The following ARHGAP36 variants were observed in gnomAD, a reference collection of about 807,000 sequenced individuals.
The protein encoded by ARHGAP36 is Rho GTPase activating protein 36.
Under a neutral mutation model 32.9 loss-of-function variants are expected in ARHGAP36, and 7 were observed. The observed-to-expected ratio is 0.21, with a 90% CI of 0.12 to 0.40. The LOEUF is 0.40. Ranked by LOEUF, ARHGAP36 falls within the 10% of genes least tolerant of loss-of-function variation. The probability of loss-of-function intolerance (pLI) is 1.00; values close to 1 mark genes in which losing one functional copy is unlikely to be tolerated. For synonymous variants in ARHGAP36, 165 were observed against 168.3 expected, an observed-to-expected ratio of 0.98 and a Z score of 0.15; for missense variants, 383 against 442.2, an observed-to-expected ratio of 0.87 and a Z score of 1.20.
intron 2 of ARHGAP36, 32 bp downstream of exon 2, chrX:131,081,950 C>G: frequency 1.7e-6 from 2 of 1,202,513 alleles, no homozygotes; most frequent in Non-Finnish European, 2.2e-6. Context: ...GGCATCCTCG[C>G]CTTCGGGAGA....
At position 131,081,412 on chromosome X, in the gene ARHGAP36, TTTC is replaced by T. The variant is rs2079797514; in HGVS notation, c.-142-106_-142-104del. Reference sequence around the variant, plus strand: ...TAAAAAATGTTTTTCTCTTTTATTTTTTCTTCTTATTTTCTCTCTTTGTACTTT... The same window carrying T: ...TAAAAAATGTTTTTCTCTTTTATTTTTTCTTATTTTCTCTCTTTGTACTTT... On this transcript the variant is annotated intron_variant, in intron 1 of 11. Coordinates refer to ENST00000276211, the MANE Select transcript of ARHGAP36 (RefSeq NM_144967.4). 6.7e-6 allele frequency: 4 copies of T among 594,767 alleles called. No individual in the cohort carries two copies. In the South Asian group the frequency reaches 3.1e-4, roughly 46 times the overall value. The allele number at this position is 594,767 out of a possible 1,213,427, so 49.0% of individuals were successfully genotyped here.
In ARHGAP36 at chrX:131,084,900, TCTC is replaced by T; in HGVS notation, c.805-11_805-9del. On this transcript the variant is annotated splice_polypyrimidine_tract_variant and intron_variant, in intron 6 of 11. Coordinates refer to ENST00000276211, the MANE Select transcript of ARHGAP36 (RefSeq NM_144967.4). ...TGGGCCAGGCAGACAGTCCCTGTCT[TCTC>T]CTTTTCCTAGCTCCGTGAAGAATTT... The T allele has an allele frequency of 8.3e-7, 1 of 1,210,442 alleles. No homozygotes were observed. The highest frequency in any genetic ancestry group is 1.1e-6 in the Non-Finnish European group (1 of 894,872).
chrX:131,081,473 T>C, intron 1 of ARHGAP36, 51 bp from the exon 2 acceptor site: 1 of 940,461 alleles, frequency 1.1e-6, no homozygotes, highest in Non-Finnish European at 1.3e-6. Flanking sequence ...TTTCCTGGAC[T>C]ATCTGTTAAG....
Position 131,084,618 on chromosome X carries a change from T to C in ARHGAP36, c.749-8T>C. The stretch of plus-strand genomic sequence containing the variant: ...AGATGCTTAGCATCCCCTGGTCTTT[T>C]CTTTCAGGCTTAAGCGCAGTGGGGA... On this transcript the variant is annotated splice_polypyrimidine_tract_variant and splice_region_variant and intron_variant, in intron 5 of 11. Transcript: ENST00000276211. The C allele has an allele frequency of 3.3e-6, 4 of 1,211,290 alleles. No homozygotes were observed. Among genetic ancestry groups the C allele is most frequent in the African/African-American group, 1.7e-5 (1 of 57,801 alleles).
chrX:131,062,972 T>C (rs1038616452), intron 1 of ARHGAP36, among the ~76,000 whole-genome samples: 1 of 112,058 alleles, frequency 8.9e-6, no homozygotes, highest in Non-Finnish European at 1.9e-5. Flanking sequence ...GGCAGACATT[T>C]ACTAGGTGGT....
At chrX:131,086,165 A>G in intron 9 of ARHGAP36, 76 bp downstream of exon 9, 1 of 1,151,163 alleles carries the variant, frequency 8.7e-7, no homozygotes, top group Non-Finnish European at 1.2e-6. Flanking sequence ...TTGTACCTGC[A>G]TCTTTGAGGG....
intron 1 of ARHGAP36, among the ~76,000 whole-genome samples, chrX:131,071,285 C>T (rs1351524305): frequency 9.0e-6 from 1 of 111,085 alleles, no homozygotes; most frequent in Non-Finnish European, 1.9e-5. Context: ...CCTCTACTTA[C>T]CTGGTGCTCT....
At chrX:131,075,617 A>G (rs866793355) in intron 1 of ARHGAP36, among the ~76,000 whole-genome samples, 8 of 36,177 alleles carry the variant, frequency 2.2e-4, no homozygotes, top group East Asian at 1.1e-3. Flanking sequence ...ATATGTGTGT[A>G]TATATATGTG....
chrX:131,060,687 C>T (rs1259849873), intron 1 of ARHGAP36, among the ~76,000 whole-genome samples: 2 of 112,302 alleles, frequency 1.8e-5, no homozygotes, highest in Non-Finnish European at 3.8e-5. Context: ...GGTACCTGTT[C>T]CCCAACATAC....
In ARHGAP36 at chrX:131,088,976, C is replaced by T; in HGVS notation, c.*191C>T. The T allele has an allele frequency of 1.8e-6, 1 of 567,799 alleles. No individual in the cohort carries two copies. Among genetic ancestry groups the T allele is most frequent in the African/African-American group, 2.3e-5 (1 of 43,276 alleles). 46.8% of individuals were successfully genotyped at this position (567,799 alleles called of 1,213,427 possible). On this transcript the variant is annotated 3_prime_UTR_variant, in exon 12 of 12. Transcript: ENST00000276211. ...CTTCACTGGGGATGCTTGGTCTCTT[C>T]TGCTGGTAAAAGCAGAGATGTTTCT...
At position 131,081,559 on chromosome X, in the gene ARHGAP36, A is replaced by C. The variant is rs2079798842; in HGVS notation, c.-107A>C. 1.8e-6 allele frequency: 2 copies of C among 1,118,973 alleles called. No homozygotes were observed. The highest frequency in any genetic ancestry group is 3.8e-5 in the African/African-American group (2 of 53,024). The allele number at this position is 1,118,973 out of a possible 1,213,427, so 92.2% of individuals were successfully genotyped here. On this transcript the variant is annotated 5_prime_UTR_variant, in exon 2 of 12. Transcript: ENST00000276211. ...CAGAGGCTGCTCTGCTTGAGGGTGA[A>C]GCCGCCTCCCAGTTTTCCCTCCCCC...
At position 131,069,239 on chromosome X, in the gene ARHGAP36, C is replaced by G. The variant is rs965678288; in HGVS notation, c.-143+10795C>G. Among the ~76,000 whole-genome samples, 9 of 112,481 alleles carry G rather than the reference C, an allele frequency of 8.0e-5. No homozygotes were observed. The South Asian group carries it at 3.0e-3, about 37-fold the overall frequency. On this transcript the variant is annotated intron_variant, in intron 1 of 11. Transcript: ENST00000276211. ...CCGCGGCCAGATGACTTTCTGGCTC[C>G]TGTCCTCCACTTGCTTCTTTTCTGT...
rs2148643050 is a variant in ARHGAP36 at position 131,084,663 on chromosome X, C to T, written c.786C>T (p.Ser262=). Residue 262 remains serine (S), a synonymous_variant, in exon 6 of 12, where the codon TCC becomes TCT. Transcript: ENST00000276211. The part of the protein sequence containing the change: ...SAVGIFTLEY[S]VQRVRQLREE... ...TGGGGATTTTTACCCTTGAATACTC[C>T]GTGCAGCGAGTGCGTCAGGTAAATT... 8.3e-7 allele frequency: 1 copy of T among 1,211,727 alleles called. No homozygotes were observed. Among genetic ancestry groups the T allele is most frequent in the South Asian group, 1.8e-5 (1 of 56,942 alleles).
intron 1 of ARHGAP36, among the ~76,000 whole-genome samples, chrX:131,068,552 C>A (rs1487516245): frequency 9.0e-6 from 1 of 110,986 alleles, no homozygotes; most frequent in African/African-American, 3.3e-5. Flanking sequence ...AGCGCACTGT[C>A]GACCCCGCCG....
intron 1 of ARHGAP36, among the ~76,000 whole-genome samples, chrX:131,075,878 C>T (rs1438522143): frequency 9.0e-6 from 1 of 111,162 alleles, no homozygotes; most frequent in East Asian, 2.8e-4. Flanking sequence ...GAGCTGGTTC[C>T]CAGATCATAT....
At position 131,088,963 on chromosome X, in the gene ARHGAP36, T is replaced by C; in HGVS notation, c.*178T>C. 1.6e-6 allele frequency: 1 copy of C among 626,894 alleles called. No individual in the cohort carries two copies. Among genetic ancestry groups the C allele is most frequent in the Non-Finnish European group, 2.3e-6 (1 of 437,622 alleles). 51.7% of individuals were successfully genotyped at this position (626,894 alleles called of 1,213,427 possible). A position where few individuals can be genotyped will look rare whatever the true frequency, so the allele number is the denominator to read the frequency against. On this transcript the variant is annotated 3_prime_UTR_variant, in exon 12 of 12. Coordinates refer to ENST00000276211, the MANE Select transcript of ARHGAP36 (RefSeq NM_144967.4). ...ACACTGCCAGCCCCTTCACTGGGGATGCTTGGTCTCTTCTGCTGGTAAAAG... is the reference window on the plus strand; with the variant it reads ...ACACTGCCAGCCCCTTCACTGGGGACGCTTGGTCTCTTCTGCTGGTAAAAG...
At chrX:131,082,059 G>C (rs1603394363) in intron 2 of ARHGAP36, 141 bp downstream of exon 2, 1 of 791,778 alleles carries the variant, frequency 1.3e-6, no homozygotes, top group East Asian at 3.3e-5. Flanking sequence ...GGCGTCTGGG[G>C]AACTGAAGAA....
Position 131,084,837 on chromosome X carries a change from T to C in ARHGAP36, c.805-77T>C, listed in dbSNP as rs1415495249. On this transcript the variant is annotated intron_variant, in intron 6 of 11. Coordinates refer to ENST00000276211, the MANE Select transcript of ARHGAP36 (RefSeq NM_144967.4). Reference sequence around the variant, plus strand: ...ATTGCCAGCTACCTCCACTGAATACTGGAACCTGTTGAAGGAATGACCAAG... The same window carrying C: ...ATTGCCAGCTACCTCCACTGAATACCGGAACCTGTTGAAGGAATGACCAAG... 4 of 1,183,689 alleles carry C rather than the reference T, an allele frequency of 3.4e-6. No homozygotes were observed. The East Asian group carries it at 1.2e-4, about 35-fold the overall frequency.
At chrX:131,079,556 TTTTTTG>T (rs1356434524) in intron 1 of ARHGAP36, among the ~76,000 whole-genome samples, 193 of 58,597 alleles carry the variant, frequency 3.3e-3, no homozygotes, top group Middle Eastern at 0.011. Context: ...TTGTTTTTTG[TTTTTTG>T]TTTTTTTTTT....
Sources: gnomAD v4.1 joint callset for allele counts (sites outside exome capture counted in the v4.1 genomes callset) on GRCh38, gnomAD v4.1.1 for gene constraint, MANE v1.5 for transcripts, NCBI Gene and HGNC (gene_info 2026-07-23, HGNC 2026-07-21) for gene names.